The following RIPOR2 variants were observed in gnomAD, a reference collection of about 807,000 sequenced individuals.
The protein encoded by RIPOR2 is RHO family interacting cell polarization regulator 2.
Under a neutral mutation model 114.5 loss-of-function variants are expected in RIPOR2, and 39 were observed. The ratio of observed to expected loss-of-function variants is 0.34; its 90% CI spans 0.26 to 0.44. The LOEUF (loss-of-function observed/expected upper bound fraction) is 0.44. Among genes scored for constraint, RIPOR2 ranks in the 20% least tolerant of loss-of-function variants. The probability of loss-of-function intolerance (pLI) is 1.00; values close to 1 mark genes in which losing one functional copy is unlikely to be tolerated. For missense variants in RIPOR2, 1,007 were observed against 1,255.1 expected (o/e 0.80, Z 2.99); for synonymous variants, 445 against 484.4 (o/e 0.92, Z 1.07).
chr6:24,927,257 C>CCAG lies in RIPOR2; in HGVS notation c.61+8580_61+8581insCTG, dbSNP rs1770988425. On this transcript the variant is annotated intron_variant, in intron 1 of 21. Transcript: ENST00000643898. The stretch of plus-strand genomic sequence containing the variant: ...ACCACAACTACAATCACCACCACCA[C>CCAG]CACCACCACAGCTACAATCACCACC... 8.1e-5 allele frequency among the ~76,000 whole-genome samples: 12 copies of CCAG among 148,008 alleles called. 1 individual carries two copies. Among genetic ancestry groups the CCAG allele is most frequent in the Admixed American group, 2.1e-4 (3 of 14,628 alleles).
chr6:25,038,914 C>T lies in RIPOR2; in HGVS notation c.76+2937G>A, dbSNP rs1351090951. ...GCACTATATTAGAAAGGATTCCAAG[C>T]CAGGGCCTGGCCCCCGTGGGGAAAA... On this transcript the variant is annotated intron_variant, in intron 1 of 13. Coordinates refer to the RIPOR2 transcript ENST00000510784. 2.6e-5 allele frequency among the ~76,000 whole-genome samples: 4 copies of T among 152,232 alleles called. No homozygotes were observed. The East Asian group carries it at 7.7e-4, about 29-fold the overall frequency.
chr6:24,809,397 C>T (rs1780987549), intron 21 of RIPOR2, among the ~76,000 whole-genome samples: 1 of 152,178 alleles, frequency 6.6e-6, no homozygotes, highest in Non-Finnish European at 1.5e-5. Flanking sequence ...GCAACACAGC[C>T]TGGATTCCTA....
chr6:24,912,817 G>A (rs1029556861), intron 1 of RIPOR2, among the ~76,000 whole-genome samples: 2 of 152,184 alleles, frequency 1.3e-5, no homozygotes, highest in African/African-American at 2.4e-5. Flanking sequence ...ACTGTTGTAA[G>A]TGACATATAA....
At chr6:25,007,410 G>A (rs974942798) in intron 1 of RIPOR2, among the ~76,000 whole-genome samples, 4 of 151,976 alleles carry the variant, frequency 2.6e-5, no homozygotes, top group Admixed American at 1.3e-4. Context: ...GCTCCACCAC[G>A]GGCGCTCAAT....
At chr6:24,923,371 T>C (rs1581805816) in intron 1 of RIPOR2, among the ~76,000 whole-genome samples, 1 of 152,234 alleles carries the variant, frequency 6.6e-6, no homozygotes, top group East Asian at 1.9e-4. Flanking sequence ...TTTTAATTAT[T>C]TTGGGTATAT....
At chr6:24,893,772 T>C (rs1193365559) in intron 1 of RIPOR2, among the ~76,000 whole-genome samples, 1 of 152,210 alleles carries the variant, frequency 6.6e-6, no homozygotes, top group African/African-American at 2.4e-5. Flanking sequence ...AGAATCGTGT[T>C]GTCAGGGAAC....
intron 1 of RIPOR2, among the ~76,000 whole-genome samples, chr6:24,977,281 CA>C (rs796970473): frequency 8.7e-4 from 113 of 130,158 alleles, no homozygotes; most frequent in African/African-American, 2.9e-3. Context: ...AAAAAAATAC[CA>C]AAAATCATGG....
chr6:24,942,442 T>C (rs574681260), intron 1 of RIPOR2, among the ~76,000 whole-genome samples: 1 of 152,352 alleles, frequency 6.6e-6, no homozygotes, highest in South Asian at 2.1e-4. Flanking sequence ...ATGCAATTGC[T>C]GGGTCAAATT....
At chr6:24,838,788 C>G (rs768393323) in intron 14 of RIPOR2, among the ~76,000 whole-genome samples, 1 of 151,690 alleles carries the variant, frequency 6.6e-6, no homozygotes, top group Non-Finnish European at 1.5e-5. Flanking sequence ...AGCAAGACTA[C>G]GTCTTAAAAA....
At chr6:24,988,065 C>T (rs982890932) in intron 1 of RIPOR2, among the ~76,000 whole-genome samples, 1 of 152,222 alleles carries the variant, frequency 6.6e-6, no homozygotes, top group African/African-American at 2.4e-5. Flanking sequence ...AAGACTCTTT[C>T]AGTTCAGAAG....
intron 1 of RIPOR2, among the ~76,000 whole-genome samples, chr6:24,973,312 A>T (rs1773875596): frequency 6.6e-6 from 1 of 152,048 alleles, no homozygotes; most frequent in East Asian, 1.9e-4. Context: ...AAAGAACATC[A>T]TCCTTCTAGG....
chr6:24,864,540 C>T (rs973799892), intron 7 of RIPOR2, among the ~76,000 whole-genome samples: 30 of 152,156 alleles, frequency 2.0e-4, no homozygotes, highest in African/African-American at 6.3e-4. Flanking sequence ...AGACCCTCTA[C>T]AGGCTGATGA....
intron 18 of RIPOR2, among the ~76,000 whole-genome samples, chr6:24,827,522 A>G (rs1443325668): frequency 6.6e-6 from 1 of 152,218 alleles, no homozygotes; most frequent in Non-Finnish European, 1.5e-5. Flanking sequence ...CAAACCTGGG[A>G]ACCAGAAACC....
intron 1 of RIPOR2, chr6:25,024,020 T>A (rs1462428682): frequency 2.7e-6 from 2 of 752,668 alleles, no homozygotes; most frequent in Non-Finnish European, 4.9e-6. Context: ...ATCAGGTCAT[T>A]ACGGCCCTTG....
chr6:24,857,156 C>T (rs977551208), intron 8 of RIPOR2, among the ~76,000 whole-genome samples: 25 of 152,120 alleles, frequency 1.6e-4, no homozygotes, highest in African/African-American at 2.9e-4. Context: ...GTACTGGCCA[C>T]GGAATTAGCA....
intron 1 of RIPOR2, among the ~76,000 whole-genome samples, chr6:24,970,409 A>G (rs985182071): frequency 4.1e-4 from 62 of 152,208 alleles, no homozygotes; most frequent in African/African-American, 1.5e-3. Flanking sequence ...GGCTGAAAAT[A>G]GAAGAGACAG....
At position 24,984,640 on chromosome 6, in the gene RIPOR2, A is replaced by ACC. The variant is rs11393512; in HGVS notation, c.76+57209_76+57210dup. On this transcript the variant is annotated intron_variant, in intron 1 of 13. Transcript: ENST00000510784. ...AGACCAGCCTGGACAACATAGTGAG[A>ACC]CCCCGTCTCTCAAAAAAAAAACCTA... Among the ~76,000 whole-genome samples the ACC allele has an allele frequency of 6.0e-5, 9 of 150,026 alleles. 1 individual carries two copies. Among genetic ancestry groups the ACC allele is most frequent in the Admixed American group, 5.9e-4 (9 of 15,138 alleles).
chr6:24,955,310 C>T (rs1351077548), intron 1 of RIPOR2, among the ~76,000 whole-genome samples: 3 of 152,156 alleles, frequency 2.0e-5, no homozygotes, highest in South Asian at 4.1e-4. Flanking sequence ...AGATCTTCCG[C>T]TATGCGTGGC....
chr6:24,821,898 C>T (rs1273394715), intron 19 of RIPOR2, among the ~76,000 whole-genome samples: 1 of 152,184 alleles, frequency 6.6e-6, no homozygotes, highest in Admixed American at 6.5e-5. Flanking sequence ...AGAGGAAGGA[C>T]AATTTAAGTT....
Sources: gnomAD v4.1 joint callset for allele counts (sites outside exome capture counted in the v4.1 genomes callset) on GRCh38, gnomAD v4.1.1 for gene constraint, MANE v1.5 for transcripts, NCBI Gene and HGNC (gene_info 2026-07-23, HGNC 2026-07-21) for gene names.